The following ADPRHL1 variants were observed in gnomAD, a reference collection of about 807,000 sequenced individuals.
ADPRHL1 encodes ADP-ribosylhydrolase like 1, also known as inactive ADP-ribosyltransferase ARH2.
ADPRHL1 carries 43 observed loss-of-function variants against 44.1 expected under a neutral mutation model. That is an observed-to-expected ratio of 0.98 (90% CI 0.76 to 1.26). The LOEUF is 1.26. ADPRHL1 is among the 50% of genes most tolerant of loss of function. ADPRHL1 has a pLI of 0.00. For synonymous variants in ADPRHL1, 878 were observed against 1,017.4 expected (o/e 0.86, Z 2.61); for missense variants, 2,022 against 2,496.9 (o/e 0.81, Z 4.05).
intron 2 of ADPRHL1, among the ~76,000 whole-genome samples, chr13:113,439,948 G>A (rs1179015408): frequency 6.6e-6 from 1 of 152,122 alleles, no homozygotes; most frequent in Non-Finnish European, 1.5e-5. Flanking sequence ...CTCGTTCATA[G>A]TGATGATTTG....
In ADPRHL1 at chr13:113,404,565, G is replaced by GA; in HGVS notation, c.4716dup (p.Gln1573SerfsTer251). 1 of 1,302,826 alleles carries GA rather than the reference G, an allele frequency of 7.7e-7. No individual in the cohort carries two copies. The highest frequency in any genetic ancestry group is 9.7e-7 in the Non-Finnish European group (1 of 1,030,280). The allele number at this position is 1,302,826 out of a possible 1,614,324, so 80.7% of individuals were successfully genotyped here. A position where few individuals can be genotyped will look rare whatever the true frequency, so the allele number is the denominator to read the frequency against. ...TGAACCTGTCCCTGGGCCCCACCCT[G>GA]AGCTGGTTCCTGTGCCTGCCCCTGG... is the stretch of plus-strand genomic sequence containing the variant. On this transcript the variant is annotated frameshift_variant, in exon 8 of 8. Coordinates refer to ENST00000612156, the MANE Select transcript of ADPRHL1 (RefSeq NM_001394807.1). LOFTEE classifies it low-confidence loss of function (END_TRUNC).
At chr13:113,435,082 GGTGTA>G (rs2044040561) in intron 2 of ADPRHL1, among the ~76,000 whole-genome samples, 1 of 140,388 alleles carries the variant, frequency 7.1e-6, no homozygotes, top group Admixed American at 7.1e-5. Flanking sequence ...AGTGAACATA[GGTGTA>G]CCCTGGGACC....
At chr13:113,422,039 ACT>A (rs2043927539) in intron 7 of ADPRHL1, 1 of 152,078 alleles carries the variant, frequency 6.6e-6, no homozygotes, top group Non-Finnish European at 1.5e-5. Context: ...CTTTTCCAAG[ACT>A]CTCTGAGAGA....
In ADPRHL1 at chr13:113,409,799, G is replaced by A. The variant is rs1222584040; in HGVS notation, c.1062-1579C>T. Among the ~76,000 whole-genome samples, 3 of 150,636 alleles carry A rather than the reference G, an allele frequency of 2.0e-5. No homozygotes were observed. The highest frequency in any genetic ancestry group is 2.9e-5 in the Non-Finnish European group (2 of 67,892). On this transcript the variant is annotated intron_variant, in intron 7 of 7. Transcript: ENST00000612156. The surrounding 1 kb of genome is among the most constrained non-coding windows in gnomAD (Gnocchi z 4.2). ...AGCTACTTGGGAGGCTGAGGCAGGC[G>A]AATGGCGTGAACCCAGGAGGCAGAG... is the stretch of plus-strand genomic sequence containing the variant.
At chr13:113,444,814 G>T (rs906814063) in intron 1 of ADPRHL1, among the ~76,000 whole-genome samples, 1 of 151,912 alleles carries the variant, frequency 6.6e-6, no homozygotes, top group Non-Finnish European at 1.5e-5. Context: ...TAGTAGAGAC[G>T]GGGTTTCACC....
In ADPRHL1 at chr13:113,408,037, G is replaced by A; in HGVS notation, c.1245C>T (p.His415=). 1 of 1,232,786 alleles carries A rather than the reference G, an allele frequency of 8.1e-7. No individual in the cohort carries two copies. Among genetic ancestry groups the A allele is most frequent in the Non-Finnish European group, 1.0e-6 (1 of 988,638 alleles). 76.4% of individuals were successfully genotyped at this position (1,232,786 alleles called of 1,614,324 possible). A position where few individuals can be genotyped will look rare whatever the true frequency, so the allele number is the denominator to read the frequency against. ...GTEAGGSRPS[H]QPQTQEATQR... ...GGGTGGCCTCCTGGGTCTGGGGCTG[G>A]TGGCTGGGCCTGCTCCCCCCGGCCT... Residue 415 remains histidine, a synonymous_variant, in exon 8 of 8, where the codon CAC becomes CAT. Coordinates refer to ENST00000612156, the MANE Select transcript of ADPRHL1 (RefSeq NM_001394807.1).
At chr13:113,416,521 T>C (rs2043888043) in intron 7 of ADPRHL1, among the ~76,000 whole-genome samples, 1 of 152,120 alleles carries the variant, frequency 6.6e-6, no homozygotes, top group South Asian at 2.1e-4. Context: ...GTTCCAGGGA[T>C]GCTTGCCTGC....
At chr13:113,431,549 T>C (rs117734750) in intron 3 of ADPRHL1, among the ~76,000 whole-genome samples, 1 of 152,226 alleles carries the variant, frequency 6.6e-6, no homozygotes, top group African/African-American at 2.4e-5. Flanking sequence ...GAGCACGCGA[T>C]GCAGGCTGTA....
At chr13:113,448,413 CCGAGAT>C (rs1264001904) in intron 1 of ADPRHL1, among the ~76,000 whole-genome samples, 1 of 139,062 alleles carries the variant, frequency 7.2e-6, no homozygotes, top group Admixed American at 8.0e-5. Context: ...TTGCAGTGAG[CCGAGAT>C]CGCGCCACTG....
chr13:113,422,939 G>C lies in ADPRHL1; in HGVS notation c.948C>G (p.Phe316Leu), dbSNP rs778769095. 3 of 1,612,914 alleles carry C rather than the reference G, an allele frequency of 1.9e-6. No homozygotes were observed. The highest frequency in any genetic ancestry group is 3.3e-5 in the Admixed American group (2 of 60,028). ...CGAGGTCCAGGCCGTACAGCAACCCGAACAGGCAGCCTGCAATGGTGCCCG... is the reference window on the plus strand; with the variant it reads ...CGAGGTCCAGGCCGTACAGCAACCCCAACAGGCAGCCTGCAATGGTGCCCG... ...AATGTIAGCL[F>L]GLLYGLDLVP... The change falls in exon 7 of 8, where the codon TTC (phenylalanine) becomes TTG (leucine). Residue 316 changes from phenylalanine to leucine, a missense_variant. Around this residue, in one of 8 missense-constraint regions of ADPRHL1, gnomAD observed 437 missense variants for 430.7 expected, o/e 1.01. Coordinates refer to ENST00000612156, the MANE Select transcript of ADPRHL1 (RefSeq NM_001394807.1).
chr13:113,439,773 T>C (rs1004532774), intron 2 of ADPRHL1, among the ~76,000 whole-genome samples: 3 of 152,212 alleles, frequency 2.0e-5, no homozygotes, highest in Non-Finnish European at 4.4e-5. Flanking sequence ...TAAGATGTAA[T>C]ACTATTTAGA....
At chr13:113,445,195 C>A (rs1052967583) in intron 1 of ADPRHL1, among the ~76,000 whole-genome samples, 1 of 152,260 alleles carries the variant, frequency 6.6e-6, no homozygotes, top group Non-Finnish European at 1.5e-5. Flanking sequence ...CAGACACCAG[C>A]CCTATGCCCA....
At chr13:113,440,894 T>C (rs2044093285) in intron 2 of ADPRHL1, among the ~76,000 whole-genome samples, 1 of 152,232 alleles carries the variant, frequency 6.6e-6, no homozygotes, top group Non-Finnish European at 1.5e-5. Flanking sequence ...GGCTTATGCC[T>C]GTAATCCCAG....
At chr13:113,446,072 ACCT>A (rs5806990) in intron 1 of ADPRHL1, among the ~76,000 whole-genome samples, 43,346 of 140,898 alleles carry the variant, frequency 0.31, 7,912 homozygotes, top group African/African-American at 0.51. Flanking sequence ...GCGGCTGCAA[ACCT>A]CCTCACCTCC....
intron 6 of ADPRHL1, 87 bp downstream of exon 6, chr13:113,424,130 G>A (rs1273881532): frequency 1.6e-5 from 24 of 1,518,440 alleles, no homozygotes; most frequent in Non-Finnish European, 1.9e-5. Flanking sequence ...GCCCCTGAAT[G>A]CCTGCAGTCC....
chr13:113,433,500 C>T (rs948639535), intron 3 of ADPRHL1, among the ~76,000 whole-genome samples: 3 of 152,170 alleles, frequency 2.0e-5, no homozygotes, highest in South Asian at 4.1e-4. Context: ...AAGCCAACTC[C>T]CCCAACAAAT....
chr13:113,437,244 A>G (rs2044067072), intron 2 of ADPRHL1, among the ~76,000 whole-genome samples: 1 of 149,786 alleles, frequency 6.7e-6, no homozygotes, highest in Admixed American at 6.6e-5. Context: ...GGGACCCGGC[A>G]CCCACACATA....
At chr13:113,429,489 C>A (rs977716812) in intron 3 of ADPRHL1, among the ~76,000 whole-genome samples, 6 of 152,274 alleles carry the variant, frequency 3.9e-5, no homozygotes, top group Admixed American at 6.5e-5. Context: ...TGGCTCGCCA[C>A]GGCTTCCCTT....
intron 7 of ADPRHL1, among the ~76,000 whole-genome samples, chr13:113,414,826 C>G (rs1595540228): frequency 6.6e-6 from 1 of 152,206 alleles, no homozygotes; most frequent in Middle Eastern, 3.4e-3. Flanking sequence ...CAGGGGCCCG[C>G]CACCACGCCC....
Sources: allele counts gnomAD v4.1 joint callset (sites outside exome capture counted in the v4.1 genomes callset), GRCh38; gene constraint gnomAD v4.1.1; regional missense constraint gnomAD v4.1.1; non-coding constraint Gnocchi (gnomAD v3.1); transcripts MANE v1.5; gene names NCBI Gene and HGNC (gene_info 2026-07-23, HGNC 2026-07-21).